CLCN1: variants seen among roughly 807,000 people sequenced by gnomAD.
CLCN1 encodes chloride voltage-gated channel 1.
CLCN1 carries 100 observed loss-of-function variants against 114.5 expected under a neutral mutation model. The observed-to-expected ratio is 0.87, with a 90% CI of 0.74 to 1.03. The LOEUF (loss-of-function observed/expected upper bound fraction) is 1.03, where lower values mean the gene tolerates loss of function less well. Ranked by LOEUF, CLCN1 falls within the 50% of genes least tolerant of loss-of-function variation. The probability of loss-of-function intolerance (pLI) is 0.00; values close to 1 mark genes in which losing one functional copy is unlikely to be tolerated. For missense variants in CLCN1, 1,188 were observed against 1,250.0 expected, an observed-to-expected ratio of 0.95 and a Z score of 0.75; for synonymous variants, 485 against 487.1, an observed-to-expected ratio of 1.00 and a Z score of 0.06.
At chr7:143,331,044 A>G (rs1802709924) in intron 8 of CLCN1, 147 bp downstream of exon 8, 2 of 1,264,336 alleles carry the variant, frequency 1.6e-6, no homozygotes, top group Admixed American at 1.7e-5. Context: ...GTGTATGACA[A>G]AGATATAGGT....
In CLCN1 at chr7:143,317,730, C is replaced by T. The variant is rs192322732; in HGVS notation, c.180+1338C>T. ...CCCCCAGGAGTATTTGCAAAGGCAG[C>T]GCTAGGGACCCAGTAGGGAAGAGGG... On this transcript the variant is annotated intron_variant, in intron 1 of 22. Coordinates refer to ENST00000343257, the MANE Select transcript of CLCN1 (RefSeq NM_000083.3). 1.1e-3 allele frequency among the ~76,000 whole-genome samples: 162 copies of T among 152,176 alleles called. 1 individual carries two copies. The highest frequency in any genetic ancestry group is 3.7e-3 in the African/African-American group (154 of 41,510).
intron 9 of CLCN1, 96 bp from the exon 10 acceptor site, chr7:143,331,455 G>A (rs1041847342): frequency 8.8e-7 from 1 of 1,130,610 alleles, no homozygotes; most frequent in Non-Finnish European, 1.4e-6. Flanking sequence ...AGATAGGAAA[G>A]GCAGAAGCCT....
In CLCN1 at chr7:143,350,234, T is replaced by C. The variant is rs978346368; in HGVS notation, c.2404-138T>C. On this transcript the variant is annotated intron_variant, in intron 20 of 22. Coordinates refer to ENST00000343257, the MANE Select transcript of CLCN1 (RefSeq NM_000083.3). This position sits in a 1 kb window ranked among gnomAD's most constrained non-coding sequence, Gnocchi z 5.1. ...TGGGAAGAAGGAGGAGGTCCTCTGA[T>C]CTGGGGGATCTATGATCAGTTCTTG... is the stretch of plus-strand genomic sequence containing the variant. 1.5e-5 allele frequency: 11 copies of C among 724,612 alleles called. No homozygotes were observed. The highest frequency in any genetic ancestry group is 2.5e-5 in the Non-Finnish European group (10 of 400,546). The allele number at this position is 724,612 out of a possible 1,614,324, so 44.9% of individuals were successfully genotyped here. A position where few individuals can be genotyped will look rare whatever the true frequency, so the allele number is the denominator to read the frequency against.
chr7:143,324,520 A>G lies in CLCN1; in HGVS notation c.853+28A>G, dbSNP rs1323652266. ...AAGTGATTGACCCCCTCCCCCATCA[A>G]TCGGCTTGCCTGGCCTGGCTCCCAA... On this transcript the variant is annotated intron_variant, in intron 7 of 22. Coordinates refer to ENST00000343257, the MANE Select transcript of CLCN1 (RefSeq NM_000083.3). This position sits in a 1 kb window ranked among gnomAD's most constrained non-coding sequence, Gnocchi z 4.6. The G allele has an allele frequency of 1.9e-6, 3 of 1,576,734 alleles. No homozygotes were observed. The highest frequency in any genetic ancestry group is 1.7e-6 in the Non-Finnish European group (2 of 1,146,192).
Position 143,342,065 on chromosome 7 carries a change from G to C in CLCN1, c.1719G>C (p.Leu573=). Residue 573 remains leucine, a synonymous_variant, in exon 15 of 23, where the codon CTG becomes CTC. Coordinates refer to ENST00000343257, the MANE Select transcript of CLCN1 (RefSeq NM_000083.3). ...TGGCCAACATGGTGGCCCAGAGCCTGCAGCCCTCTCTCTATGACAGCATCA... is the reference window on the plus strand; with the variant it reads ...TGGCCAACATGGTGGCCCAGAGCCTCCAGCCCTCTCTCTATGACAGCATCA... The part of the protein sequence containing the change: ...VILANMVAQS[L]QPSLYDSIIQ... 6.2e-7 allele frequency: 1 copy of C among 1,614,166 alleles called. No individual in the cohort carries two copies. The highest frequency in any genetic ancestry group is 8.5e-7 in the Non-Finnish European group (1 of 1,180,032).
intron 3 of CLCN1, 104 bp downstream of exon 3, chr7:143,320,899 G>C: frequency 7.2e-7 from 1 of 1,388,430 alleles, no homozygotes. Flanking sequence ...TGTGTTATGG[G>C]AAGCGAATAT....
chr7:143,343,103 C>T (rs751116542), intron 16 of CLCN1, among the ~76,000 whole-genome samples: 1 of 152,118 alleles, frequency 6.6e-6, no homozygotes, highest in Non-Finnish European at 1.5e-5. Context: ...CAATATATGA[C>T]CTTGTTGTAT....
chr7:143,345,821 C>T, intron 17 of CLCN1, 59 bp downstream of exon 17: 1 of 1,409,028 alleles, frequency 7.1e-7, no homozygotes, highest in Non-Finnish European at 9.7e-7. Context: ...GGAAAAGCGT[C>T]GTCTGGGCTG....
chr7:143,323,029 T>C (rs1042473578), intron 5 of CLCN1, among the ~76,000 whole-genome samples: 4 of 152,158 alleles, frequency 2.6e-5, no homozygotes, highest in African/African-American at 9.7e-5. Flanking sequence ...CTCCCTCCCA[T>C]CATTCAAAGC....
rs778260512 is a variant in CLCN1, at chr7:143,324,513, C to G, written c.853+21C>G. 8 of 1,594,988 alleles carry G rather than the reference C, an allele frequency of 5.0e-6. No homozygotes were observed. The Admixed American group carries it at 1.2e-4, about 23-fold the overall frequency. ...TGGAGGCAAGTGATTGACCCCCTCCCCCATCAATCGGCTTGCCTGGCCTGG... is the reference window on the plus strand; with the variant it reads ...TGGAGGCAAGTGATTGACCCCCTCCGCCATCAATCGGCTTGCCTGGCCTGG... On this transcript the variant is annotated intron_variant, in intron 7 of 22. Coordinates refer to ENST00000343257, the MANE Select transcript of CLCN1 (RefSeq NM_000083.3). The surrounding 1 kb of genome is among the most constrained non-coding windows in gnomAD (Gnocchi z 4.6).
At chr7:143,319,671 T>C in intron 1 of CLCN1, 84 bp from the exon 2 acceptor site, 1 of 1,453,322 alleles carries the variant, frequency 6.9e-7, no homozygotes, top group Non-Finnish European at 9.6e-7. Flanking sequence ...TGTTCTTTTC[T>C]TCTGTGAGTC....
rs878900052 is a variant in CLCN1, at chr7:143,321,608, C to G, written c.563-107C>G. 18 of 1,603,912 alleles carry G rather than the reference C, an allele frequency of 1.1e-5. No individual in the cohort carries two copies. Among genetic ancestry groups the G allele is most frequent in the Non-Finnish European group, 1.5e-5 (17 of 1,171,542 alleles). On this transcript the variant is annotated intron_variant, in intron 4 of 22. Coordinates refer to ENST00000343257, the MANE Select transcript of CLCN1 (RefSeq NM_000083.3). The surrounding 1 kb of genome is among the most constrained non-coding windows in gnomAD (Gnocchi z 4.2). The stretch of plus-strand genomic sequence containing the variant: ...CTGTGCTGCCTTGCCCCATCCTCCC[C>G]ACCACTGCCTCTTCAGCCCTCTCCA...
At position 143,335,656 on chromosome 7, in the gene CLCN1, G is replaced by GTTTT. The variant is rs199928109; in HGVS notation, c.1401+2784_1401+2787dup. Among the ~76,000 whole-genome samples, 702 of 107,058 alleles carry GTTTT rather than the reference G, an allele frequency of 6.6e-3. 25 individuals are homozygous for GTTTT. The highest frequency in any genetic ancestry group is 9.5e-3 in the Admixed American group (84 of 8,804). 70.2% of individuals were successfully genotyped at this position (107,058 alleles called of 152,430 possible). A position where few individuals can be genotyped will look rare whatever the true frequency, so the allele number is the denominator to read the frequency against. Reference sequence around the variant, plus strand: ...GGCAGGTAAGATTCTCAATTCAGCTGTTTTGTTTTTTTTTTTTTTTTGATT... The same window carrying GTTTT: ...GGCAGGTAAGATTCTCAATTCAGCTGTTTTTTTTGTTTTTTTTTTTTTTTTGATT... On this transcript the variant is annotated intron_variant, in intron 12 of 22. Coordinates refer to ENST00000343257, the MANE Select transcript of CLCN1 (RefSeq NM_000083.3).
intron 12 of CLCN1, among the ~76,000 whole-genome samples, chr7:143,334,995 G>T (rs191992931): frequency 6.2e-4 from 95 of 152,244 alleles, no homozygotes; most frequent in African/African-American, 2.2e-3. Flanking sequence ...ACAAATTTTG[G>T]TGGATCTCAG....
At chr7:143,326,882 T>A (rs149275390) in intron 7 of CLCN1, among the ~76,000 whole-genome samples, 1 of 152,218 alleles carries the variant, frequency 6.6e-6, no homozygotes, top group South Asian at 2.1e-4. Context: ...GTTTACTAGA[T>A]CTAATGTGTA....
Position 143,352,039 on chromosome 7 carries a change from C to A in CLCN1, c.*74C>A. 6.3e-7 allele frequency: 1 copy of A among 1,592,832 alleles called. No homozygotes were observed. Among genetic ancestry groups the A allele is most frequent in the Non-Finnish European group, 8.6e-7 (1 of 1,163,146 alleles). On this transcript the variant is annotated 3_prime_UTR_variant, in exon 23 of 23. Coordinates refer to ENST00000343257, the MANE Select transcript of CLCN1 (RefSeq NM_000083.3). ...GGGTGAACTTGTGTGGGGCAGGGTG[C>A]GTCCTGAATGTGGCGAGGTCATGCC...
In CLCN1 at chr7:143,332,467, C is replaced by T. The variant is rs1156420732; in HGVS notation, c.1215C>T (p.Thr405=). 4 of 1,614,156 alleles carry T rather than the reference C, an allele frequency of 2.5e-6. No homozygotes were observed. Among genetic ancestry groups the T allele is most frequent in the Middle Eastern group, 1.7e-4 (1 of 6,060 alleles). ...GIVTFVIASF[T]FPPGMGQFMA... ...TTACCTTTGTCATTGCCTCATTCAC[C>T]TTCCCACCAGGAATGGGTCAATTCA... The change falls in exon 11 of 23, where the codon ACC becomes ACT. Residue 405 remains threonine (T), a synonymous_variant. Coordinates refer to ENST00000343257, the MANE Select transcript of CLCN1 (RefSeq NM_000083.3).
At chr7:143,337,547 A>G (rs566952293) in intron 12 of CLCN1, among the ~76,000 whole-genome samples, 1 of 152,146 alleles carries the variant, frequency 6.6e-6, no homozygotes, top group South Asian at 2.1e-4. Flanking sequence ...TAAGAAATAT[A>G]TTTCTCGTTA....
chr7:143,337,194 A>G (rs1474350769), intron 12 of CLCN1, among the ~76,000 whole-genome samples: 1 of 152,110 alleles, frequency 6.6e-6, no homozygotes, highest in Non-Finnish European at 1.5e-5. Context: ...CATGAATACT[A>G]TTTGTTCAGC....
Sources: gnomAD v4.1 joint callset for allele counts (sites outside exome capture counted in the v4.1 genomes callset) on GRCh38, gnomAD v4.1.1 for gene constraint, Gnocchi (gnomAD v3.1) non-coding constraint, MANE v1.5 for transcripts, NCBI Gene and HGNC (gene_info 2026-07-23, HGNC 2026-07-21) for gene names.